The following GRM7 variants were observed in gnomAD, a reference collection of about 807,000 sequenced individuals.
The protein encoded by GRM7 is glutamate metabotropic receptor 7.
GRM7 carries 35 observed loss-of-function variants against 84.5 expected under a neutral mutation model. The ratio of observed to expected loss-of-function variants is 0.41; its 90% CI spans 0.32 to 0.55. The LOEUF (loss-of-function observed/expected upper bound fraction) is 0.55. GRM7 is among the 20% of genes least tolerant of loss of function. The pLI is 0.19. For missense variants in GRM7, 1,003 were observed against 1,194.6 expected (o/e 0.84, Z 2.36); for synonymous variants, 487 against 455.1 (o/e 1.07, Z -0.89).
At chr3:7,708,288 T>C (rs570127606) in intron 9 of GRM7, among the ~76,000 whole-genome samples, 1 of 151,704 alleles carries the variant, frequency 6.6e-6, no homozygotes, top group South Asian at 2.1e-4. Context: ...AAAATATGAG[T>C]TGATGTAAGG....
At chr3:7,376,280 A>G (rs1694346381) in intron 4 of GRM7, among the ~76,000 whole-genome samples, 1 of 151,984 alleles carries the variant, frequency 6.6e-6, no homozygotes, top group Non-Finnish European at 1.5e-5. Flanking sequence ...CTGTATTCTC[A>G]CTTGCTAGTT....
At chr3:6,892,355 C>G (rs1695992330) in intron 1 of GRM7, among the ~76,000 whole-genome samples, 1 of 148,932 alleles carries the variant, frequency 6.7e-6, no homozygotes, top group Admixed American at 6.7e-5. Context: ...CAGGCCTGCA[C>G]ATACACTTAA....
intron 1 of GRM7, among the ~76,000 whole-genome samples, chr3:6,878,680 T>C (rs1403710567): frequency 2.0e-5 from 3 of 152,148 alleles, no homozygotes; most frequent in African/African-American, 4.8e-5. Context: ...AAGAATCACA[T>C]GGCAAGCATG....
intron 7 of GRM7, among the ~76,000 whole-genome samples, chr3:7,481,747 G>A (rs1272805219): frequency 6.6e-6 from 1 of 152,194 alleles, no homozygotes; most frequent in Non-Finnish European, 1.5e-5. Context: ...TGTACACAAT[G>A]CCTATGTAAA....
chr3:7,733,429 T>G (rs1304493053), intron 9 of GRM7, among the ~76,000 whole-genome samples: 1 of 152,186 alleles, frequency 6.6e-6, no homozygotes, highest in Non-Finnish European at 1.5e-5. Flanking sequence ...GATGTTTGTT[T>G]CTGGTGGCTC....
At chr3:7,358,341 C>A (rs538340742) in intron 4 of GRM7, among the ~76,000 whole-genome samples, 1 of 152,042 alleles carries the variant, frequency 6.6e-6, no homozygotes, top group Non-Finnish European at 1.5e-5. Context: ...AACAACAAGG[C>A]GTGGACTGAG....
At chr3:6,913,831 A>G (rs1376197703) in intron 1 of GRM7, among the ~76,000 whole-genome samples, 1 of 152,158 alleles carries the variant, frequency 6.6e-6, no homozygotes, top group Non-Finnish European at 1.5e-5. Context: ...AGACAGAATG[A>G]TAGAGTTCAT....
intron 6 of GRM7, among the ~76,000 whole-genome samples, chr3:7,460,308 C>A (rs1298643148): frequency 6.6e-6 from 1 of 152,018 alleles, no homozygotes; most frequent in Non-Finnish European, 1.5e-5. Flanking sequence ...TTTCAGCTCC[C>A]CAGACAAATG....
chr3:7,423,712 C>T (rs1252955763), intron 5 of GRM7, among the ~76,000 whole-genome samples: 2 of 132,916 alleles, frequency 1.5e-5, no homozygotes, highest in Admixed American at 8.7e-5. Flanking sequence ...TGTATAGCAT[C>T]ATATTTATTT....
intron 1 of GRM7, among the ~76,000 whole-genome samples, chr3:6,888,772 A>G (rs1438519886): frequency 1.3e-5 from 2 of 152,034 alleles, no homozygotes; most frequent in African/African-American, 2.4e-5. Context: ...TGTGAAGAAA[A>G]TCATTGGTAG....
intron 7 of GRM7, among the ~76,000 whole-genome samples, chr3:7,554,010 G>A (rs1693629246): frequency 6.6e-6 from 1 of 152,142 alleles, no homozygotes; most frequent in Non-Finnish European, 1.5e-5. Context: ...ATAGGGCAGG[G>A]GTAAAGGGTC....
intron 2 of GRM7, among the ~76,000 whole-genome samples, chr3:7,180,389 A>C (rs1204622120): frequency 6.6e-6 from 1 of 152,166 alleles, no homozygotes; most frequent in Non-Finnish European, 1.5e-5. Context: ...CACTTTTCAT[A>C]AGAGCCTAAC....
chr3:6,942,566 T>A (rs963467577), intron 1 of GRM7, among the ~76,000 whole-genome samples: 1 of 152,148 alleles, frequency 6.6e-6, no homozygotes, highest in African/African-American at 2.4e-5. Flanking sequence ...TAATAGTGTA[T>A]TCCTTTTAAG....
intron 4 of GRM7, among the ~76,000 whole-genome samples, chr3:7,368,185 A>G (rs1021390583): frequency 6.6e-6 from 1 of 152,018 alleles, no homozygotes; most frequent in Non-Finnish European, 1.5e-5. Context: ...TACAAAGACT[A>G]CAAAGGCATT....
chr3:7,031,953 T>G (rs1458413493), intron 1 of GRM7, among the ~76,000 whole-genome samples: 2 of 152,288 alleles, frequency 1.3e-5, no homozygotes, highest in South Asian at 2.1e-4. Flanking sequence ...ACCTGTGCCC[T>G]ATCCCTTAAC....
At chr3:7,666,057 C>T (rs975049570) in intron 8 of GRM7, among the ~76,000 whole-genome samples, 9 of 152,078 alleles carry the variant, frequency 5.9e-5, no homozygotes, top group East Asian at 5.8e-4. Flanking sequence ...AATCTATGAC[C>T]GCAATGATAA....
At chr3:7,245,725 C>A (rs955636381) in intron 2 of GRM7, among the ~76,000 whole-genome samples, 2 of 151,748 alleles carry the variant, frequency 1.3e-5, no homozygotes, top group Non-Finnish European at 2.9e-5. Context: ...TGATTTGGAT[C>A]CATGAAAAGG....
At chr3:7,126,609 A>G (rs2125048962) in intron 1 of GRM7, among the ~76,000 whole-genome samples, 1 of 152,296 alleles carries the variant, frequency 6.6e-6, no homozygotes, top group East Asian at 1.9e-4. Flanking sequence ...GGGTGAGGGA[A>G]AGGACTGAGT....
At chr3:7,660,511 A>C (rs1272588299) in intron 8 of GRM7, among the ~76,000 whole-genome samples, 1 of 152,228 alleles carries the variant, frequency 6.6e-6, no homozygotes, top group Non-Finnish European at 1.5e-5. Context: ...AGTAGACCTA[A>C]ATAAATAGAG....
Sources: allele counts gnomAD v4.1 joint callset (sites outside exome capture counted in the v4.1 genomes callset), GRCh38; gene constraint gnomAD v4.1.1; transcripts MANE v1.5; gene names NCBI Gene and HGNC (gene_info 2026-07-23, HGNC 2026-07-21).